Variants in GIT1 observed in about 807,000 individuals in gnomAD.
The protein encoded by GIT1 is GIT ArfGAP 1, also known as ARF GTPase-activating protein GIT1.
A neutral mutation model predicts 91.7 loss-of-function variants in GIT1; 14 were observed. The ratio of observed to expected loss-of-function variants is 0.15; its 90% CI spans 0.10 to 0.24. The LOEUF is 0.24. Among genes scored for constraint, GIT1 ranks in the 10% least tolerant of loss-of-function variants. The probability of loss-of-function intolerance (pLI) is 1.00; values close to 1 mark genes in which losing one functional copy is unlikely to be tolerated. For synonymous variants in GIT1, 414 were observed against 418.2 expected (o/e 0.99, Z 0.12); for missense variants, 717 against 1,024.9 (o/e 0.70, Z 4.10).
In GIT1 at chr17:29,587,655, G is replaced by A. The variant is rs573999923; in HGVS notation, c.52+1672C>T. On this transcript the variant is annotated intron_variant, in intron 1 of 19. Coordinates refer to ENST00000225394, the MANE Select transcript of GIT1 (RefSeq NM_014030.4). Reference sequence around the variant, plus strand: ...CCCTCCACCCCAGAATCAGACCACAGATTCGGAGATGGCAGCCCCCCAAAA... The same window carrying A: ...CCCTCCACCCCAGAATCAGACCACAAATTCGGAGATGGCAGCCCCCCAAAA... Among the ~76,000 whole-genome samples, 3 of 152,300 alleles carry A rather than the reference G, an allele frequency of 2.0e-5. No individual in the cohort carries two copies. The South Asian group carries it at 6.2e-4, about 32-fold the overall frequency.
intron 1 of GIT1, among the ~76,000 whole-genome samples, chr17:29,586,172 C>T (rs1052851420): frequency 6.6e-6 from 1 of 152,196 alleles, no homozygotes; most frequent in East Asian, 1.9e-4. Flanking sequence ...TACTTGGAAG[C>T]CCCCTAAGGT....
Position 29,576,886 on chromosome 17 carries a change from C to T in GIT1, c.1204G>A (p.Ala402Thr), listed in dbSNP as rs769808064. 7.0e-6 allele frequency: 11 copies of T among 1,575,270 alleles called. No homozygotes were observed. The highest frequency in any genetic ancestry group is 1.9e-4 in the Middle Eastern group (1 of 5,160). ...ACCCGGGCCCGGTTGCTCCGAGTGG[C>T]GCCGGTGCTGCGCAGGGGCTCCTGG... Reference protein sequence around the residue: ...TDQEPLRSTGATRSNRARSMD... With the variant: ...TDQEPLRSTGTTRSNRARSMD... The change falls in exon 12 of 20, where the codon GCC (alanine) becomes ACC (threonine). Residue 402 changes from alanine to threonine, a missense_variant. Ala to Thr is a moderately conservative substitution (Grantham distance 58). Around this residue, in one of 3 missense-constraint regions of GIT1, gnomAD observed 312 missense variants for 349.5 expected, o/e 0.89. Coordinates refer to ENST00000225394, the MANE Select transcript of GIT1 (RefSeq NM_014030.4).
At position 29,581,148 on chromosome 17, in the gene GIT1, CAT is replaced by C; in HGVS notation, c.761+188_761+189del. On this transcript the variant is annotated intron_variant, in intron 7 of 19. Coordinates refer to ENST00000225394, the MANE Select transcript of GIT1 (RefSeq NM_014030.4). The surrounding 1 kb of genome is among the most constrained non-coding windows in gnomAD (Gnocchi z 4.8). ...CACGGGGCTCAGGCTATGCGGGCCA[CAT>C]ATGGAGCTGACATTTTTTACCTGCC... is the stretch of plus-strand genomic sequence containing the variant. 1 of 617,690 alleles carries C rather than the reference CAT, an allele frequency of 1.6e-6. No homozygotes were observed. 38.3% of individuals were successfully genotyped at this position (617,690 alleles called of 1,614,324 possible).
intron 8 of GIT1, 83 bp from the exon 9 acceptor site, chr17:29,578,454 T>C (rs2033288488): frequency 7.6e-7 from 1 of 1,318,660 alleles, no homozygotes; most frequent in Non-Finnish European, 1.1e-6. Context: ...TTGTGAGCCT[T>C]GGGGAACCGG....
At position 29,575,034 on chromosome 17, in the gene GIT1, A is replaced by C. The variant is rs2033139978; in HGVS notation, c.2073+45T>G. 1 of 1,512,266 alleles carries C rather than the reference A, an allele frequency of 6.6e-7. No homozygotes were observed. The highest frequency in any genetic ancestry group is 9.0e-7 in the Non-Finnish European group (1 of 1,108,020). 93.7% of individuals were successfully genotyped at this position (1,512,266 alleles called of 1,614,324 possible). A position where few individuals can be genotyped will look rare whatever the true frequency, so the allele number is the denominator to read the frequency against. ...AGATGGGATTCTCCACGCCTGCCCCAGCTCGAGGCCCTCCCACTCCTGGTC... is the reference window on the plus strand; with the variant it reads ...AGATGGGATTCTCCACGCCTGCCCCCGCTCGAGGCCCTCCCACTCCTGGTC... On this transcript the variant is annotated intron_variant, in intron 19 of 19. Transcript: ENST00000225394. This position sits in a 1 kb window ranked among gnomAD's most constrained non-coding sequence, Gnocchi z 5.5.
At position 29,576,988 on chromosome 17, in the gene GIT1, C is replaced by T. The variant is rs767726313; in HGVS notation, c.1102G>A (p.Glu368Lys). 3.7e-6 allele frequency: 6 copies of T among 1,603,130 alleles called. No homozygotes were observed. The African/African-American group carries it at 5.3e-5, about 14-fold the overall frequency. The change falls in exon 12 of 20, where the codon GAG (glutamate) becomes AAG (lysine). Residue 368 changes from glutamate (E) to lysine (K), a missense_variant. Transcript: ENST00000225394. The stretch of plus-strand genomic sequence containing the variant: ...TCACTCTGGCTCCGCAGAGACAGCT[C>T]GAGGTTGTCTGAGGACACAGGAGTG... Reference protein sequence around the residue: ...KSLSSPTDNLELSLRSQSDLD... With the variant: ...KSLSSPTDNLKLSLRSQSDLD...
At chr17:29,582,845 A>T in intron 3 of GIT1, 42 bp from the exon 4 acceptor site, 3 of 1,572,334 alleles carry the variant, frequency 1.9e-6, no homozygotes, top group Non-Finnish European at 2.6e-6. Context: ...ATGGTGGGAG[A>T]GGGTGGTCAC....
intron 10 of GIT1, 79 bp from the exon 11 acceptor site, chr17:29,577,326 G>T: frequency 9.5e-7 from 1 of 1,052,986 alleles, no homozygotes; most frequent in Non-Finnish European, 1.5e-6. Context: ...AAGTAGCAAG[G>T]CATGGCTCTG....
At chr17:29,582,848 G>C in intron 3 of GIT1, 45 bp from the exon 4 acceptor site, 1 of 1,568,896 alleles carries the variant, frequency 6.4e-7, no homozygotes, top group Non-Finnish European at 8.8e-7. Flanking sequence ...GTGGGAGAGG[G>C]TGGTCACCTT....
rs2033289715 is a variant in GIT1 at position 29,578,477 on chromosome 17, T to G, written c.811-106A>C. On this transcript the variant is annotated intron_variant, in intron 8 of 19. Coordinates refer to ENST00000225394, the MANE Select transcript of GIT1 (RefSeq NM_014030.4). ...CTTGGGGAACCGGTGGCCTTCCTTG[T>G]GCTGCCCAGCCCCTACAGTCTCAGA... The G allele has an allele frequency of 3.8e-6, 4 of 1,040,514 alleles. No homozygotes were observed. The East Asian group carries it at 9.5e-5, about 25-fold the overall frequency. The allele number at this position is 1,040,514 out of a possible 1,614,324, so 64.5% of individuals were successfully genotyped here.
intron 1 of GIT1, among the ~76,000 whole-genome samples, chr17:29,587,700 C>T (rs1447287806): frequency 6.6e-6 from 1 of 152,206 alleles, no homozygotes; most frequent in Non-Finnish European, 1.5e-5. Context: ...ACTCCAACTT[C>T]TTTGCCTCTG....
chr17:29,582,226 T>TG, intron 4 of GIT1, 82 bp from the exon 5 acceptor site: 1 of 1,066,018 alleles, frequency 9.4e-7, no homozygotes, highest in Non-Finnish European at 1.4e-6. Flanking sequence ...TGGCTGCCCC[T>TG]GGGACACCTA....
chr17:29,574,621 G>A lies in GIT1; in HGVS notation c.*81C>T. On this transcript the variant is annotated 3_prime_UTR_variant, in exon 20 of 20. Transcript: ENST00000225394. ...GCACTTGTGCCAGTGGCTCTGTTGG[G>A]GTGGGGATTAATGTCTGGAGTGGCC... The A allele has an allele frequency of 1.7e-6, 2 of 1,158,538 alleles. No individual in the cohort carries two copies. Among genetic ancestry groups the A allele is most frequent in the Non-Finnish European group, 2.6e-6 (2 of 773,716 alleles). 71.8% of individuals were successfully genotyped at this position (1,158,538 alleles called of 1,614,324 possible). A position where few individuals can be genotyped will look rare whatever the true frequency, so the allele number is the denominator to read the frequency against.
intron 7 of GIT1, 94 bp from the exon 8 acceptor site, chr17:29,578,873 C>T (rs921974440): frequency 1.3e-5 from 20 of 1,554,838 alleles, no homozygotes; most frequent in Middle Eastern, 1.7e-4. Context: ...GCAGGGATCC[C>T]GGGGAGATGG....
chr17:29,588,191 C>T (rs2033661642), intron 1 of GIT1, among the ~76,000 whole-genome samples: 1 of 152,186 alleles, frequency 6.6e-6, no homozygotes, highest in Non-Finnish European at 1.5e-5. Flanking sequence ...AAACCAGCAC[C>T]CCATACTCTC....
chr17:29,588,484 C>T (rs2150856985), intron 1 of GIT1, among the ~76,000 whole-genome samples: 2 of 152,294 alleles, frequency 1.3e-5, no homozygotes, highest in East Asian at 3.9e-4. Flanking sequence ...GTAAATACAG[C>T]CAGGAGACAG....
Position 29,575,187 on chromosome 17 carries a change from G to T in GIT1, c.2010-45C>A. Reference sequence around the variant, plus strand: ...TATAAAGCAGGGGGCTCTCAAGGGAGGTTCCCAGGGACAGCAGAACCCAGG... The same window carrying T: ...TATAAAGCAGGGGGCTCTCAAGGGATGTTCCCAGGGACAGCAGAACCCAGG... On this transcript the variant is annotated intron_variant, in intron 18 of 19. Transcript: ENST00000225394. This position sits in a 1 kb window ranked among gnomAD's most constrained non-coding sequence, Gnocchi z 5.5. 1 of 1,564,096 alleles carries T rather than the reference G, an allele frequency of 6.4e-7. No homozygotes were observed. The highest frequency in any genetic ancestry group is 8.7e-7 in the Non-Finnish European group (1 of 1,147,340).
At chr17:29,585,890 T>C (rs1471165028) in intron 1 of GIT1, among the ~76,000 whole-genome samples, 2 of 151,988 alleles carry the variant, frequency 1.3e-5, no homozygotes, top group African/African-American at 4.8e-5. Context: ...TGTGGAGAGG[T>C]AGCAGGCGTG....
Position 29,587,200 on chromosome 17 carries a change from G to T in GIT1, c.52+2127C>A, listed in dbSNP as rs568401874. Among the ~76,000 whole-genome samples, 122 of 152,284 alleles carry T rather than the reference G, an allele frequency of 8.0e-4. 1 individual carries two copies. Among genetic ancestry groups the T allele is most frequent in the African/African-American group, 2.8e-3 (117 of 41,554 alleles). Reference sequence around the variant, plus strand: ...TGGGTACCCTCATGCCTCTCTGCCTGAGATGCCACAGGACCCAGACCAAAC... The same window carrying T: ...TGGGTACCCTCATGCCTCTCTGCCTTAGATGCCACAGGACCCAGACCAAAC... On this transcript the variant is annotated intron_variant, in intron 1 of 19. Transcript: ENST00000225394.
Sources: gnomAD v4.1 joint callset for allele counts (sites outside exome capture counted in the v4.1 genomes callset) on GRCh38, gnomAD v4.1.1 for gene constraint, gnomAD v4.1.1 regional missense constraint, Gnocchi (gnomAD v3.1) non-coding constraint, MANE v1.5 for transcripts, NCBI Gene and HGNC (gene_info 2026-07-23, HGNC 2026-07-21) for gene names.